The following PEX1 variants were observed in gnomAD, a reference collection of about 807,000 sequenced individuals.
The protein encoded by PEX1 is peroxisomal biogenesis factor 1, also known as peroxisomal ATPase PEX1.
In PEX1, 97 loss-of-function variants were observed where a neutral mutation model predicts 152.5. The observed-to-expected ratio is 0.64, with a 90% CI of 0.54 to 0.75. The LOEUF is 0.75. Ranked by LOEUF, PEX1 falls within the 30% of genes least tolerant of loss-of-function variation. PEX1 has a pLI of 0.00. For missense variants in PEX1, 1,357 were observed against 1,516.3 expected (o/e 0.89, Z 1.74); for synonymous variants, 485 against 531.6 (o/e 0.91, Z 1.21).
At chr7:92,519,210 T>C (rs542964132) in intron 2 of PEX1, 132 bp from the exon 3 acceptor site, 14 of 637,852 alleles carry the variant, frequency 2.2e-5, no homozygotes, top group Non-Finnish European at 3.9e-5. Flanking sequence ...GGGGTGTATA[T>C]GTAGTCTATG....
chr7:92,516,008 A>AAAGAG lies in PEX1; in HGVS notation c.1239+1263_1239+1267dup, dbSNP rs770569979. Among the ~76,000 whole-genome samples, 991 of 103,476 alleles carry AAAGAG rather than the reference A, an allele frequency of 9.6e-3. 42 individuals are homozygous for AAAGAG. The highest frequency in any genetic ancestry group is 0.052 in the East Asian group (166 of 3,222). 67.9% of individuals were successfully genotyped at this position (103,476 alleles called of 152,430 possible). A position where few individuals can be genotyped will look rare whatever the true frequency, so the allele number is the denominator to read the frequency against. On this transcript the variant is annotated intron_variant, in intron 5 of 23. Transcript: ENST00000248633. ...GCTTCTAACTCAAAAAAAGAAAAGA[A>AAAGAG]AAGAGAAGAGAAGAGAAGAGAAGAG...
chr7:92,504,614 A>G (rs1252216309), intron 12 of PEX1, 118 bp downstream of exon 12: 5 of 1,082,422 alleles, frequency 4.6e-6, no homozygotes, highest in Non-Finnish European at 5.4e-6. Flanking sequence ...AGGGGCCTCA[A>G]ACACAACACT....
chr7:92,491,681 T>C (rs1365038842), intron 20 of PEX1, 179 bp from the exon 21 acceptor site: 1 of 501,246 alleles, frequency 2.0e-6, no homozygotes, highest in Non-Finnish European at 3.4e-6. Flanking sequence ...CTATTAAAAT[T>C]ATAAAGACAA....
chr7:92,502,103 G>A lies in PEX1; in HGVS notation c.2227-24C>T, dbSNP rs557837475. The A allele has an allele frequency of 7.6e-5, 113 of 1,485,188 alleles. 1 individual carries two copies. Among genetic ancestry groups the A allele is most frequent in the South Asian group, 5.2e-4 (45 of 86,940 alleles). 92.0% of individuals were successfully genotyped at this position (1,485,188 alleles called of 1,614,324 possible). A position where few individuals can be genotyped will look rare whatever the true frequency, so the allele number is the denominator to read the frequency against. Reference sequence around the variant, plus strand: ...TCCTAAAGAAAAAAACACAAAATTCGAATTTCCAATTGTATTCAACTGTAT... The same window carrying A: ...TCCTAAAGAAAAAAACACAAAATTCAAATTTCCAATTGTATTCAACTGTAT... On this transcript the variant is annotated intron_variant, in intron 13 of 23. Transcript: ENST00000248633.
intron 8 of PEX1, among the ~76,000 whole-genome samples, chr7:92,510,188 G>A (rs2116200277): frequency 6.6e-6 from 1 of 150,468 alleles, no homozygotes; most frequent in Admixed American, 6.6e-5. Context: ...TAGAATAGCT[G>A]GGCGCAGTGG....
intron 14 of PEX1, 24 bp from the exon 15 acceptor site, chr7:92,501,697 C>G: frequency 6.3e-7 from 1 of 1,583,184 alleles, no homozygotes; most frequent in Non-Finnish European, 8.7e-7. Flanking sequence ...AACAAAACTT[C>G]TTTTACTAGT....
In PEX1 at chr7:92,491,420, G is replaced by T; in HGVS notation, c.3290C>A (p.Ala1097Asp). ...LNHSSGSDDS[A>D]GDGECGLDQS... ...ATCTAAGCCACATTCTCCATCTCCA[G>T]CTGAATCGTCAGAGCCACTGCTATG... The change falls in exon 21 of 24, where the codon GCT (alanine) becomes GAT (aspartate). Residue 1097 changes from alanine (A) to aspartate (D), a missense_variant. Physicochemically the swap from Ala to Asp is moderately radical, Grantham distance 126 (BLOSUM62 -2). Coordinates refer to ENST00000248633, the MANE Select transcript of PEX1 (RefSeq NM_000466.3). The T allele has an allele frequency of 6.2e-7, 1 of 1,613,666 alleles. No individual in the cohort carries two copies. The highest frequency in any genetic ancestry group is 8.5e-7 in the Non-Finnish European group (1 of 1,179,602).
At chr7:92,517,165 T>G in intron 5 of PEX1, 111 bp downstream of exon 5, 1 of 894,508 alleles carries the variant, frequency 1.1e-6, no homozygotes, top group Non-Finnish European at 1.8e-6. Context: ...TTAGGCACTG[T>G]GTTTCTTTTT....
rs894289737 is a variant in PEX1, at chr7:92,517,793, GA to G, written c.721del (p.Ser241GlnfsTer2). 7 of 1,564,532 alleles carry G rather than the reference GA, an allele frequency of 4.5e-6. No individual in the cohort carries two copies. The Admixed American group carries it at 5.8e-5, about 13-fold the overall frequency. On this transcript the variant is annotated frameshift_variant, in exon 5 of 24. Coordinates refer to ENST00000248633, the MANE Select transcript of PEX1 (RefSeq NM_000466.3). LOFTEE classifies it high-confidence loss of function. ...TATCATAGTCCATAAACTTGCTACTGATGATGAGTCAACTGGAATCTCTGAC... is the reference window on the plus strand; with the variant it reads ...TATCATAGTCCATAAACTTGCTACTGTGATGAGTCAACTGGAATCTCTGAC... The part of the protein sequence containing the change: ...NESEIPVDSS[S>X]VASLWTMIGS...
chr7:92,499,881 A>G (rs1234761326), intron 15 of PEX1, 43 bp from the exon 16 acceptor site: 1 of 1,529,190 alleles, frequency 6.5e-7, no homozygotes, highest in Non-Finnish European at 9.0e-7. Context: ...GCTCAAGTCT[A>G]AACAGAAATG....
intron 7 of PEX1, 83 bp downstream of exon 7, chr7:92,511,497 A>G (rs1369658584): frequency 2.0e-6 from 2 of 1,014,176 alleles, no homozygotes; most frequent in Non-Finnish European, 3.0e-6. Context: ...CATACTGTTC[A>G]CAGGTATGAC....
In PEX1 at chr7:92,487,449, A is replaced by C. The variant is rs764054395; in HGVS notation, c.*8T>G. On this transcript the variant is annotated 3_prime_UTR_variant, in exon 24 of 24. Coordinates refer to ENST00000248633, the MANE Select transcript of PEX1 (RefSeq NM_000466.3). ...ACTTAACAGAACCAAATCAAAAAGA[A>C]GTATATTTTATGCTAAAGTTACTTT... 1 of 1,471,452 alleles carries C rather than the reference A, an allele frequency of 6.8e-7. No individual in the cohort carries two copies. The highest frequency in any genetic ancestry group is 2.3e-5 in the East Asian group (1 of 43,840). 91.1% of individuals were successfully genotyped at this position (1,471,452 alleles called of 1,614,324 possible). A position where few individuals can be genotyped will look rare whatever the true frequency, so the allele number is the denominator to read the frequency against.
intron 5 of PEX1, 87 bp from the exon 6 acceptor site, chr7:92,514,054 T>C (rs1792607785): frequency 3.5e-6 from 3 of 854,718 alleles, no homozygotes; most frequent in African/African-American, 3.4e-5. Flanking sequence ...TATATTAGCT[T>C]CTATGAATTT....
intron 16 of PEX1, among the ~76,000 whole-genome samples, chr7:92,499,434 A>C (rs955949445): frequency 4.6e-5 from 7 of 152,232 alleles, no homozygotes; most frequent in Non-Finnish European, 1.0e-4. Flanking sequence ...TAAGTGAAAG[A>C]AGCCAGACAA....
At chr7:92,489,173 TGAA>T in intron 23 of PEX1, 117 bp downstream of exon 23, 6 of 942,264 alleles carry the variant, frequency 6.4e-6, no homozygotes, top group Admixed American at 4.2e-5. Flanking sequence ...ACATATTTTT[TGAA>T]TTAGCTTTTA....
At chr7:92,491,244 A>C in intron 21 of PEX1, 28 bp downstream of exon 21, 1 of 1,390,236 alleles carries the variant, frequency 7.2e-7, no homozygotes, top group Non-Finnish European at 1.0e-6. Context: ...ATATTTCAGA[A>C]CTGTATAATG....
At chr7:92,492,875 T>G (rs1791415883) in intron 20 of PEX1, 78 bp downstream of exon 20, 5 of 1,162,418 alleles carry the variant, frequency 4.3e-6, no homozygotes, top group Admixed American at 3.4e-5. Context: ...AAAATAGCAT[T>G]TTTTAAGGTG....
In PEX1 at chr7:92,503,058, T is replaced by C; in HGVS notation, c.2209A>G (p.Ile737Val). Residue 737 changes from isoleucine to valine, a missense_variant, in exon 13 of 24, where the codon ATT becomes GTT. Physicochemically the swap from Ile to Val is conservative, Grantham distance 29. Transcript: ENST00000248633. ...TGTATTACCTGATTAGGAGGCTGAA[T>C]GTGTTGGACGCACTGAAATATGTGA... Reference protein sequence around the residue: ...GVHIFQCVQHIQPPNQEQRCE... With the variant: ...GVHIFQCVQHVQPPNQEQRCE... 1 of 1,613,580 alleles carries C rather than the reference T, an allele frequency of 6.2e-7. No individual in the cohort carries two copies. Among genetic ancestry groups the C allele is most frequent in the Non-Finnish European group, 8.5e-7 (1 of 1,179,562 alleles).
At position 92,522,115 on chromosome 7, in the gene PEX1, G is replaced by A. The variant is rs939792327; in HGVS notation, c.260C>T (p.Ser87Leu). 10 of 1,613,894 alleles carry A rather than the reference G, an allele frequency of 6.2e-6. No homozygotes were observed. The highest frequency in any genetic ancestry group is 7.6e-6 in the Non-Finnish European group (9 of 1,179,940). ...NRQVGQKLGLSNGGQVFLKPC... is the reference protein window; with the variant it reads ...NRQVGQKLGLLNGGQVFLKPC... ...ACATGTGCTTACCTGTCCCCCATTT[G>A]AGAGTCCAAGTTTTTGACCAACTTG... The change falls in exon 2 of 24, where the codon TCA (serine) becomes TTA (leucine). Residue 87 changes from serine (S) to leucine (L), a missense_variant. Physicochemically the swap from Ser to Leu is moderately radical, Grantham distance 145 (BLOSUM62 -2). Transcript: ENST00000248633.
Sources: allele counts gnomAD v4.1 joint callset (sites outside exome capture counted in the v4.1 genomes callset), GRCh38; gene constraint gnomAD v4.1.1; transcripts MANE v1.5; gene names NCBI Gene and HGNC (gene_info 2026-07-23, HGNC 2026-07-21).